Variants in NUP210 observed in about 807,000 individuals in gnomAD.
NUP210 encodes nuclear pore membrane glycoprotein 210.
Under a neutral mutation model 196.0 loss-of-function variants are expected in NUP210, and 151 were observed. The observed-to-expected ratio is 0.77, with a 90% CI of 0.67 to 0.88. NUP210 has a LOEUF of 0.88. NUP210 is among the 40% of genes least tolerant of loss of function. NUP210 has a pLI of 0.00. For synonymous variants in NUP210, 1,070 were observed against 1,052.7 expected, an observed-to-expected ratio of 1.02 and a Z score of -0.32; for missense variants, 2,314 against 2,493.7, an observed-to-expected ratio of 0.93 and a Z score of 1.53.
intron 15 of NUP210, 42 bp downstream of exon 15, chr3:13,360,228 C>T: frequency 6.5e-7 from 1 of 1,530,358 alleles, no homozygotes. Context: ...TTTTCCACCC[C>T]TGCCTTAGGG....
chr3:13,391,504 AC>A (rs1278305039), intron 3 of NUP210, among the ~76,000 whole-genome samples, 197 bp from the exon 4 acceptor site: 1 of 151,582 alleles, frequency 6.6e-6, no homozygotes, highest in Non-Finnish European at 1.5e-5. Flanking sequence ...TCATGTGACC[AC>A]CAGGGGGCGA....
intron 1 of NUP210, among the ~76,000 whole-genome samples, chr3:13,401,968 G>A (rs1444759792): frequency 1.3e-5 from 2 of 152,182 alleles, no homozygotes; most frequent in Non-Finnish European, 2.9e-5. Context: ...GCTGAGGTGG[G>A]AGGATCATTT....
chr3:13,336,641 G>A (rs925254862), intron 27 of NUP210, 146 bp downstream of exon 27: 9 of 821,204 alleles, frequency 1.1e-5, no homozygotes, highest in African/African-American at 5.2e-5. Flanking sequence ...GATGAGCCTC[G>A]GGAGAGGGAA....
intron 26 of NUP210, 192 bp from the exon 27 acceptor site, chr3:13,337,110 T>C (rs1697247267): frequency 1.8e-6 from 1 of 555,686 alleles, no homozygotes; most frequent in Non-Finnish European, 3.1e-6. Context: ...GTTTTCCCCA[T>C]ACTGTCCCTC....
At chr3:13,346,932 A>G (rs750353678) in intron 20 of NUP210, among the ~76,000 whole-genome samples, 1 of 152,202 alleles carries the variant, frequency 6.6e-6, no homozygotes, top group Non-Finnish European at 1.5e-5. Context: ...ATGAAACTTC[A>G]CACAGGGACC....
At chr3:13,321,517 C>A in intron 36 of NUP210, 68 bp downstream of exon 36, 1 of 1,548,030 alleles carries the variant, frequency 6.5e-7, no homozygotes, top group South Asian at 1.2e-5. Flanking sequence ...ACCACATTCC[C>A]TCTTCCTCCA....
At chr3:13,391,741 C>T (rs1015524941) in intron 3 of NUP210, among the ~76,000 whole-genome samples, 1 of 151,232 alleles carries the variant, frequency 6.6e-6, no homozygotes, top group Admixed American at 6.6e-5. Context: ...GGGGAGGGGA[C>T]CCAGGGTGGA....
chr3:13,365,298 C>T (rs1021753245), intron 14 of NUP210, among the ~76,000 whole-genome samples: 3 of 152,174 alleles, frequency 2.0e-5, no homozygotes, highest in Non-Finnish European at 4.4e-5. Context: ...CTCATCACGA[C>T]CCCATGAGGC....
rs546259143 is a variant in NUP210 at position 13,386,535 on chromosome 3, A to C, written c.685-128T>G. On this transcript the variant is annotated intron_variant, in intron 5 of 39. Transcript: ENST00000254508. ...GTTAAGAGGAAAGAAACAAGATATC[A>C]TTCCCAAATCCTCACTTTCAGAACC... 3.7e-5 allele frequency: 45 copies of C among 1,218,954 alleles called. 1 individual carries two copies. The South Asian group carries it at 4.6e-4, about 12-fold the overall frequency. 75.5% of individuals were successfully genotyped at this position (1,218,954 alleles called of 1,614,324 possible).
intron 8 of NUP210, among the ~76,000 whole-genome samples, chr3:13,377,824 GCC>G (rs926337148): frequency 6.7e-6 from 1 of 148,552 alleles, no homozygotes; most frequent in Non-Finnish European, 1.5e-5. Context: ...TTACCTGGAG[GCC>G]CCACACCACC....
chr3:13,340,424 T>A lies in NUP210; in HGVS notation c.3229-126A>T. 1.2e-6 allele frequency: 1 copy of A among 829,180 alleles called. No homozygotes were observed. The highest frequency in any genetic ancestry group is 2.0e-6 in the Non-Finnish European group (1 of 508,014). 51.4% of individuals were successfully genotyped at this position (829,180 alleles called of 1,614,324 possible). On this transcript the variant is annotated intron_variant, in intron 23 of 39. Transcript: ENST00000254508. The surrounding 1 kb of genome is among the most constrained non-coding windows in gnomAD (Gnocchi z 4.0). Reference sequence around the variant, plus strand: ...ATGGACATCACTTCTCTCTGAGCAGTGACCAGAGGGCCCAGGGTCCTGGGC... The same window carrying A: ...ATGGACATCACTTCTCTCTGAGCAGAGACCAGAGGGCCCAGGGTCCTGGGC...
rs1448090935 is a variant in NUP210, at chr3:13,316,321, T to C, written c.*1360A>G. On this transcript the variant is annotated 3_prime_UTR_variant, in exon 40 of 40. Transcript: ENST00000254508. ...GTTGTCAGTTTAAGCTCAAGTAATATGCAAGGCACAATTCTTCCTTTCTCC... is the reference window on the plus strand; with the variant it reads ...GTTGTCAGTTTAAGCTCAAGTAATACGCAAGGCACAATTCTTCCTTTCTCC... 1 of 152,262 alleles carries C rather than the reference T, an allele frequency of 6.6e-6. No homozygotes were observed. Among genetic ancestry groups the C allele is most frequent in the Non-Finnish European group, 1.5e-5 (1 of 68,052 alleles). 9.4% of individuals were successfully genotyped at this position (152,262 alleles called of 1,614,324 possible).
At position 13,343,440 on chromosome 3, in the gene NUP210, G is replaced by A. The variant is rs533366155; in HGVS notation, c.2836-137C>T. 7.3e-5 allele frequency: 82 copies of A among 1,121,284 alleles called. No homozygotes were observed. The African/African-American group carries it at 8.2e-4, about 11-fold the overall frequency. The allele number at this position is 1,121,284 out of a possible 1,614,324, so 69.5% of individuals were successfully genotyped here. A position where few individuals can be genotyped will look rare whatever the true frequency, so the allele number is the denominator to read the frequency against. ...TCATGGGATGCCAGTGGCAGAGCCC[G>A]CCAGGCCAGCACTGGGAAGCAGTGG... On this transcript the variant is annotated intron_variant, in intron 20 of 39. Transcript: ENST00000254508.
chr3:13,335,568 C>T lies in NUP210; in HGVS notation c.3729G>A (p.Val1243=). ...CGGTCCGGCCTTTTACCCGGCCGAG[C>T]ACGTTCATGGCAAAGTTGTACTGTG... ...LPSQYNFAMN[V]LGRVKGRTGL... Residue 1243 remains valine (V), a synonymous_variant, in exon 28 of 40, where the codon GTG becomes GTA. Transcript: ENST00000254508. 6.2e-7 allele frequency: 1 copy of T among 1,614,146 alleles called. No individual in the cohort carries two copies. The highest frequency in any genetic ancestry group is 8.5e-7 in the Non-Finnish European group (1 of 1,180,048).
In NUP210 at chr3:13,339,838, A is replaced by G; in HGVS notation, c.3471+16T>C. 4 of 1,605,320 alleles carry G rather than the reference A, an allele frequency of 2.5e-6. No individual in the cohort carries two copies. The highest frequency in any genetic ancestry group is 1.7e-4 in the Middle Eastern group (1 of 6,046). ...CCCAGGCACAGCTGCCCAGTCTCCA[A>G]TAGCACGCCTGTTACCTGAGAGATG... On this transcript the variant is annotated intron_variant, in intron 25 of 39. Coordinates refer to ENST00000254508, the MANE Select transcript of NUP210 (RefSeq NM_024923.4).
Position 13,379,579 on chromosome 3 carries a change from G to A in NUP210, c.960C>T (p.Leu320=), listed in dbSNP as rs147918044. The change falls in exon 7 of 40, where the codon CTC becomes CTT. Residue 320 remains leucine, a synonymous_variant. Transcript: ENST00000254508. This position sits in a 1 kb window ranked among gnomAD's most constrained non-coding sequence, Gnocchi z 4.2. ...VTALQLGQSS[L]VLGHRSIRMQ... Reference sequence around the variant, plus strand: ...AAAGGATATTCCTGTGGCCAAGGACGAGGCTGCTCTGTCCCAGCTGCAGTG... The same window carrying A: ...AAAGGATATTCCTGTGGCCAAGGACAAGGCTGCTCTGTCCCAGCTGCAGTG... The A allele has an allele frequency of 1.1e-5, 18 of 1,614,100 alleles. No homozygotes were observed. Among genetic ancestry groups the A allele is most frequent in the East Asian group, 4.5e-5 (2 of 44,888 alleles).
At chr3:13,349,985 T>A (rs1697910157) in intron 20 of NUP210, among the ~76,000 whole-genome samples, 1 of 152,186 alleles carries the variant, frequency 6.6e-6, no homozygotes, top group South Asian at 2.1e-4. Context: ...TGTGTAGGAA[T>A]GTGTGCCCCA....
chr3:13,419,635 G>A (rs942405054), intron 1 of NUP210, among the ~76,000 whole-genome samples: 2 of 152,210 alleles, frequency 1.3e-5, no homozygotes, highest in Non-Finnish European at 2.9e-5. Context: ...TCCCACGCCA[G>A]GGCGAGGGCG....
chr3:13,388,279 G>A, intron 5 of NUP210, 24 bp downstream of exon 5: 1 of 1,567,064 alleles, frequency 6.4e-7, no homozygotes, highest in Admixed American at 1.9e-5. Flanking sequence ...GAAGCCCACT[G>A]ACACCCCAGC....
Sources: allele counts gnomAD v4.1 joint callset (sites outside exome capture counted in the v4.1 genomes callset), GRCh38; gene constraint gnomAD v4.1.1; non-coding constraint Gnocchi (gnomAD v3.1); transcripts MANE v1.5; gene names NCBI Gene and HGNC (gene_info 2026-07-23, HGNC 2026-07-21).